Variants in CNTN4 observed in about 807,000 individuals in gnomAD.
CNTN4 encodes the protein contactin 4, also known as contactin-4.
In CNTN4, 77 loss-of-function variants were observed where a neutral mutation model predicts 122.5. The ratio of observed to expected loss-of-function variants is 0.63; its 90% CI spans 0.52 to 0.76. CNTN4 has a LOEUF of 0.76. Among genes scored for constraint, CNTN4 ranks in the 30% least tolerant of loss-of-function variants. The pLI, the probability that CNTN4 is intolerant of heterozygous loss-of-function variation, is 0.00. For synonymous variants in CNTN4, 512 were observed against 447.0 expected, an observed-to-expected ratio of 1.15 and a Z score of -1.83; for missense variants, 1,256 against 1,259.1, an observed-to-expected ratio of 1.00 and a Z score of 0.04.
At chr3:2,391,562 C>T (rs986737716) in intron 3 of CNTN4, among the ~76,000 whole-genome samples, 1 of 152,156 alleles carries the variant, frequency 6.6e-6, no homozygotes, top group African/African-American at 2.4e-5. Context: ...ATATCCCCCA[C>T]ACAATATGAG....
chr3:2,808,499 A>T (rs188376859), intron 6 of CNTN4, among the ~76,000 whole-genome samples: 60 of 152,284 alleles, frequency 3.9e-4, no homozygotes, highest in Admixed American at 1.1e-3. Context: ...TATAATGAGC[A>T]TAAGTCTATC....
chr3:2,396,103 C>T (rs1186077279), intron 3 of CNTN4, among the ~76,000 whole-genome samples: 1 of 151,836 alleles, frequency 6.6e-6, no homozygotes, highest in East Asian at 1.9e-4. Context: ...TGGCTCACTG[C>T]AGCCTTGACT....
chr3:2,471,966 G>A (rs79943561), intron 3 of CNTN4, among the ~76,000 whole-genome samples: 1 of 152,072 alleles, frequency 6.6e-6, no homozygotes, highest in Non-Finnish European at 1.5e-5. Context: ...TCCCATAGAT[G>A]TGAAGTATTT....
At chr3:2,592,226 C>T (rs2080530970) in intron 4 of CNTN4, among the ~76,000 whole-genome samples, 1 of 152,120 alleles carries the variant, frequency 6.6e-6, no homozygotes, top group Non-Finnish European at 1.5e-5. Flanking sequence ...ATTGTCTTGG[C>T]TTTGCCTCAG....
chr3:2,563,012 G>A (rs1431762946), intron 3 of CNTN4, among the ~76,000 whole-genome samples: 1 of 152,114 alleles, frequency 6.6e-6, no homozygotes, highest in East Asian at 1.9e-4. Flanking sequence ...ATAGGTGTGA[G>A]CCACTGTGCC....
intron 3 of CNTN4, among the ~76,000 whole-genome samples, chr3:2,349,680 T>C (rs1340694528): frequency 6.6e-6 from 1 of 152,236 alleles, no homozygotes; most frequent in African/African-American, 2.4e-5. Context: ...TTGTAGGGAA[T>C]GATGGACTAT....
intron 6 of CNTN4, among the ~76,000 whole-genome samples, chr3:2,791,313 C>A: frequency 6.6e-6 from 1 of 152,144 alleles, no homozygotes. Flanking sequence ...GGGCTGATCA[C>A]TTGAGCCCAG....
chr3:2,515,991 G>A (rs1007522649), intron 3 of CNTN4, among the ~76,000 whole-genome samples: 3 of 152,030 alleles, frequency 2.0e-5, no homozygotes, highest in African/African-American at 4.8e-5. Context: ...TTTGATGACA[G>A]TAATAGCTTG....
At chr3:2,112,217 C>A (rs2033016946) in intron 2 of CNTN4, among the ~76,000 whole-genome samples, 1 of 152,042 alleles carries the variant, frequency 6.6e-6, no homozygotes. Context: ...CAGCTATAGC[C>A]CATCTTGCCA....
At chr3:2,745,785 A>G in intron 6 of CNTN4, 88 bp downstream of exon 6, 1 of 1,189,422 alleles carries the variant, frequency 8.4e-7, no homozygotes, top group South Asian at 1.3e-5. Context: ...TTCATTTTAG[A>G]GACTAGATTT....
chr3:2,592,948 C>G lies in CNTN4; in HGVS notation c.55+21390C>G, dbSNP rs544747108. The stretch of plus-strand genomic sequence containing the variant: ...TTGTATTATATTGTACTGAGGGTTT[C>G]TAATCAGGTGAAGAGAAAAGCAGTG... On this transcript the variant is annotated intron_variant, in intron 4 of 24. Transcript: ENST00000418658. Among the ~76,000 whole-genome samples the G allele has an allele frequency of 2.4e-4, 36 of 152,268 alleles. 1 individual carries two copies. Among genetic ancestry groups the G allele is most frequent in the Middle Eastern group, 3.4e-3 (1 of 294 alleles).
At chr3:2,315,385 C>T (rs777844730) in intron 2 of CNTN4, among the ~76,000 whole-genome samples, 5 of 151,888 alleles carry the variant, frequency 3.3e-5, no homozygotes, top group African/African-American at 9.7e-5. Context: ...GTTTCCCAAA[C>T]GAGAAGTGGG....
intron 4 of CNTN4, among the ~76,000 whole-genome samples, chr3:2,729,200 C>T (rs548763357): frequency 9.3e-4 from 141 of 152,250 alleles, no homozygotes; most frequent in Middle Eastern, 6.8e-3. Context: ...ACGGAGTAGC[C>T]GCAGAGTGAT....
intron 14 of CNTN4, 30 bp downstream of exon 14, chr3:2,988,502 T>C (rs1227738146): frequency 6.2e-7 from 1 of 1,611,580 alleles, no homozygotes; most frequent in African/African-American, 1.3e-5. Context: ...ATTCGAATAT[T>C]TATATATGTG....
At chr3:2,440,881 G>GTATA (rs58084301) in intron 3 of CNTN4, among the ~76,000 whole-genome samples, 11 of 129,806 alleles carry the variant, frequency 8.5e-5, no homozygotes, top group Non-Finnish European at 3.4e-5. Flanking sequence ...ATGTATATAT[G>GTATA]TATATATATA....
intron 3 of CNTN4, among the ~76,000 whole-genome samples, chr3:2,356,840 T>C (rs979367730): frequency 6.6e-6 from 1 of 152,200 alleles, no homozygotes; most frequent in African/African-American, 2.4e-5. Context: ...GATAAGGGAA[T>C]AGATGCTGTC....
At chr3:2,157,749 TA>T (rs2035786135) in intron 2 of CNTN4, among the ~76,000 whole-genome samples, 1 of 152,242 alleles carries the variant, frequency 6.6e-6, no homozygotes, top group Admixed American at 6.5e-5. Flanking sequence ...TTCTCATCAC[TA>T]AGTTATAGTT....
chr3:2,102,075 G>C (rs1398970000), intron 2 of CNTN4, among the ~76,000 whole-genome samples: 3 of 152,186 alleles, frequency 2.0e-5, no homozygotes, highest in Non-Finnish European at 2.9e-5. Flanking sequence ...GTGTTTTGGA[G>C]ATGTCATCTT....
intron 2 of CNTN4, among the ~76,000 whole-genome samples, chr3:2,147,771 T>G (rs2035313598): frequency 6.6e-6 from 1 of 152,226 alleles, no homozygotes. Context: ...TTCAGTGTCC[T>G]CTCTGTATTT....
Sources: gnomAD v4.1 joint callset for allele counts (sites outside exome capture counted in the v4.1 genomes callset) on GRCh38, gnomAD v4.1.1 for gene constraint, MANE v1.5 for transcripts, NCBI Gene and HGNC (gene_info 2026-07-23, HGNC 2026-07-21) for gene names.